Variants in AKR1C2 observed in about 807,000 individuals in gnomAD.
AKR1C2 encodes 3-alpha-HSD3.
Under a neutral mutation model 39.8 loss-of-function variants are expected in AKR1C2, and 27 were observed. That is an observed-to-expected ratio of 0.68 (90% CI 0.50 to 0.93). AKR1C2 has a LOEUF of 0.93. Among genes scored for constraint, AKR1C2 ranks in the 40% least tolerant of loss-of-function variants. The pLI is 0.00. For synonymous variants in AKR1C2, 114 were observed against 137.9 expected (o/e 0.83, Z 1.22); for missense variants, 263 against 365.1 (o/e 0.72, Z 2.28).
At chr10:5,016,779 G>T (rs1372667401) in intron 1 of AKR1C2, among the ~76,000 whole-genome samples, 4 of 152,200 alleles carry the variant, frequency 2.6e-5, no homozygotes, top group African/African-American at 9.7e-5. Flanking sequence ...AGTTCTCCAT[G>T]AGTGTTCCAC....
At chr10:4,990,757 C>A (rs1327676786) in intron 8 of AKR1C2, among the ~76,000 whole-genome samples, 1 of 151,518 alleles carries the variant, frequency 6.6e-6, no homozygotes, top group African/African-American at 2.4e-5. Context: ...GTGGTTTACT[C>A]CAGACCATAT....
At chr10:5,000,367 G>A (rs532479367) in intron 3 of AKR1C2, 183 bp downstream of exon 3, 59 of 1,548,666 alleles carry the variant, frequency 3.8e-5, no homozygotes, top group Admixed American at 6.0e-5. Flanking sequence ...ATGCAATCAC[G>A]GAAGTATGGA....
At chr10:5,015,037 G>C (rs1410223315) in intron 1 of AKR1C2, 1 of 152,174 alleles carries the variant, frequency 6.6e-6, no homozygotes, top group Admixed American at 6.5e-5. Context: ...CCTTCTGTTG[G>C]TGACTAGGCT....
chr10:5,001,436 G>GGATC, intron 2 of AKR1C2, 78 bp downstream of exon 2: 1 of 1,537,818 alleles, frequency 6.5e-7, no homozygotes, highest in Non-Finnish European at 8.7e-7. Flanking sequence ...CCTCAACTAT[G>GGATC]GATCCAGTCA....
chr10:5,001,737 G>A (rs1392728899), intron 1 of AKR1C2, 56 bp from the exon 2 acceptor site: 169 of 1,605,660 alleles, frequency 1.1e-4, no homozygotes, highest in East Asian at 3.1e-4. Flanking sequence ...GAGTTAGTTC[G>A]GGCACAAGCA....
At position 4,990,046 on chromosome 10, in the gene AKR1C2, G is replaced by T; in HGVS notation, c.930-8C>A. ...TTAGGGGGGCCAGCAAAACTGGAAAGAGAAAAAAAAATGCACACTCTGAAT... is the reference window on the plus strand; with the variant it reads ...TTAGGGGGGCCAGCAAAACTGGAAATAGAAAAAAAAATGCACACTCTGAAT... On this transcript the variant is annotated splice_region_variant and splice_polypyrimidine_tract_variant and intron_variant, in intron 8 of 8. Coordinates refer to ENST00000380753, the MANE Select transcript of AKR1C2 (RefSeq NM_001393392.1). 1 of 1,581,596 alleles carries T rather than the reference G, an allele frequency of 6.3e-7. No individual in the cohort carries two copies. Among genetic ancestry groups the T allele is most frequent in the Non-Finnish European group, 8.6e-7 (1 of 1,166,820 alleles).
intron 1 of AKR1C2, chr10:5,015,339 T>C (rs781844269): frequency 6.6e-6 from 1 of 152,252 alleles, no homozygotes; most frequent in Non-Finnish European, 1.5e-5. Context: ...GCAGGAGATA[T>C]CATTTCTAAC....
intron 1 of AKR1C2, among the ~76,000 whole-genome samples, chr10:5,001,992 C>G (rs782810253): frequency 3.3e-5 from 5 of 152,126 alleles, no homozygotes; most frequent in African/African-American, 4.8e-5. Context: ...CAGACATAAT[C>G]TTAATTATTT....
rs868931720 is a variant in AKR1C2, at chr10:5,015,619, G to A, written c.-88+2281C>T. Among the ~76,000 whole-genome samples the A allele has an allele frequency of 2.0e-5, 3 of 152,216 alleles. No homozygotes were observed. In the South Asian group the frequency reaches 6.2e-4, roughly 32 times the overall value. On this transcript the variant is annotated intron_variant, in intron 1 of 6. Coordinates refer to the AKR1C2 transcript ENST00000604507. ...ACTGAGGGAGCAATTCCAGCCCTGG[G>A]TCCCCAGACAATGTAAGGTGTTGCA...
chr10:5,010,190 A>T (rs1837488706), intron 1 of AKR1C2, among the ~76,000 whole-genome samples: 1 of 149,678 alleles, frequency 6.7e-6, no homozygotes, highest in South Asian at 2.2e-4. Context: ...CCACCACTAG[A>T]CACTACCATG....
intron 7 of AKR1C2, among the ~76,000 whole-genome samples, chr10:4,993,412 T>C (rs1406815866): frequency 2.7e-5 from 4 of 150,610 alleles, no homozygotes; most frequent in African/African-American, 9.7e-5. Context: ...CAATAAATGG[T>C]AAATTTTGCT....
rs1454780649 is a variant in AKR1C2, at chr10:4,988,391, A to G, written c.*1605T>C. ...TGCAGAGTTCACATTATGATCTTCC[A>G]TTGAAGATTTGGAGGAAAACGCTGA... On this transcript the variant is annotated 3_prime_UTR_variant, in exon 9 of 9. Transcript: ENST00000380753. The G allele has an allele frequency of 6.6e-6, 1 of 151,478 alleles. No individual in the cohort carries two copies. Among genetic ancestry groups the G allele is most frequent in the African/African-American group, 2.4e-5 (1 of 41,230 alleles). 9.4% of individuals were successfully genotyped at this position (151,478 alleles called of 1,614,324 possible).
chr10:4,994,116 T>A (rs1157151214), intron 7 of AKR1C2, among the ~76,000 whole-genome samples: 4 of 151,660 alleles, frequency 2.6e-5, no homozygotes, highest in Non-Finnish European at 5.9e-5. Context: ...ATGATATATG[T>A]CATATATATG....
At position 4,999,984 on chromosome 10, in the gene AKR1C2, A is replaced by C. The variant is rs1346073955; in HGVS notation, c.369+566T>G. On this transcript the variant is annotated intron_variant, in intron 3 of 8. Coordinates refer to ENST00000380753, the MANE Select transcript of AKR1C2 (RefSeq NM_001393392.1). ...CCCTTTTGCATTAACTAGCCTGACT[A>C]GTTTTCAGTACCTTAAGACAAAAGT... 3 of 1,011,650 alleles carry C rather than the reference A, an allele frequency of 3.0e-6. No homozygotes were observed. The African/African-American group carries it at 5.2e-5, about 18-fold the overall frequency. 62.7% of individuals were successfully genotyped at this position (1,011,650 alleles called of 1,614,324 possible).
Position 5,000,271 on chromosome 10 carries a change from CT to C in AKR1C2, c.369+278del, listed in dbSNP as rs1307238090. On this transcript the variant is annotated intron_variant, in intron 3 of 8. Coordinates refer to ENST00000380753, the MANE Select transcript of AKR1C2 (RefSeq NM_001393392.1). ...TGAAATCAGGAATCATAAATAAGAC[CT>C]TGTGCCTTCAAGGAGATGATTGTCA... The C allele has an allele frequency of 1.3e-5, 19 of 1,465,136 alleles. 1 individual carries two copies. Among genetic ancestry groups the C allele is most frequent in the Middle Eastern group, 2.5e-4 (1 of 3,952 alleles). The allele number at this position is 1,465,136 out of a possible 1,614,324, so 90.8% of individuals were successfully genotyped here.
At chr10:5,000,377 A>T in intron 3 of AKR1C2, 173 bp downstream of exon 3, 1 of 1,552,040 alleles carries the variant, frequency 6.4e-7, no homozygotes, top group South Asian at 1.2e-5. Flanking sequence ...GGAAGTATGG[A>T]TTCAAAATTG....
chr10:5,012,347 C>A (rs1252263044), intron 1 of AKR1C2, among the ~76,000 whole-genome samples: 4 of 151,886 alleles, frequency 2.6e-5, no homozygotes, highest in Non-Finnish European at 1.5e-5. Context: ...GACTATGTTA[C>A]CTTACCTGGC....
chr10:5,002,451 A>G (rs1554773943), intron 1 of AKR1C2, among the ~76,000 whole-genome samples: 1 of 152,230 alleles, frequency 6.6e-6, no homozygotes, highest in African/African-American at 2.4e-5. Context: ...TTCTGTCTGC[A>G]TAACAGAACC....
chr10:4,996,073 A>G, intron 5 of AKR1C2: 1 of 702,160 alleles, frequency 1.4e-6, no homozygotes, highest in Non-Finnish European at 2.1e-6. Context: ...AAGCAACTCC[A>G]TGAACCCTAT....
Sources: gnomAD v4.1 joint callset for allele counts (sites outside exome capture counted in the v4.1 genomes callset) on GRCh38, gnomAD v4.1.1 for gene constraint, MANE v1.5 for transcripts, NCBI Gene and HGNC (gene_info 2026-07-23, HGNC 2026-07-21) for gene names.